NEMP2: variants seen among roughly 807,000 people sequenced by gnomAD.
The protein encoded by NEMP2 is UPF0571 transmembrane protein.
Under a neutral mutation model 54.2 loss-of-function variants are expected in NEMP2, and 53 were observed. The observed-to-expected ratio is 0.98, with a 90% CI of 0.78 to 1.23. The LOEUF (loss-of-function observed/expected upper bound fraction) is 1.23. Ranked by LOEUF, NEMP2 falls within the 50% of genes most tolerant of loss-of-function variation. The pLI is 0.00. For synonymous variants in NEMP2, 197 were observed against 190.3 expected, an observed-to-expected ratio of 1.04 and a Z score of -0.29; for missense variants, 455 against 511.3, an observed-to-expected ratio of 0.89 and a Z score of 1.06.
At chr2:190,606,201 T>TA in the NEMP2 span, among the ~76,000 whole-genome samples, 1 of 152,196 alleles carries the variant, frequency 6.6e-6, no homozygotes, top group Admixed American at 6.5e-5. Flanking sequence ...TCCTACTAGT[T>TA]ACAGCCCCTC....
chr2:190,545,048 C>A, the NEMP2 span, among the ~76,000 whole-genome samples: 8 of 152,010 alleles, frequency 5.3e-5, no homozygotes, highest in Middle Eastern at 3.4e-3. Flanking sequence ...CCACAGTGAG[C>A]TATGATTACG....
At chr2:190,545,956 T>G in the NEMP2 span, among the ~76,000 whole-genome samples, 1 of 152,186 alleles carries the variant, frequency 6.6e-6, no homozygotes, top group African/African-American at 2.4e-5. Context: ...AGGAGTGGAA[T>G]GTCAAAGAAA....
the NEMP2 span, among the ~76,000 whole-genome samples, chr2:190,573,809 G>C: frequency 2.6e-5 from 4 of 152,158 alleles, no homozygotes; most frequent in Non-Finnish European, 5.9e-5. Context: ...TATTAGGTTG[G>C]TGCAAAAGTA....
At position 190,530,681 on chromosome 2, in the gene NEMP2, T is replaced by C. The variant is rs1445167410; in HGVS notation, c.97+3878A>G. ...ACTGCTCGGTTTCAATCATGTCCAA[T>C]GGAAACAGGAAACAGAGCCAGTTTG... On this transcript the variant is annotated intron_variant, in intron 1 of 8. Coordinates refer to ENST00000409150, the MANE Select transcript of NEMP2 (RefSeq NM_001142645.2). The surrounding 1 kb of genome is among the most constrained non-coding windows in gnomAD (Gnocchi z 4.6). 1.3e-5 allele frequency among the ~76,000 whole-genome samples: 2 copies of C among 152,212 alleles called. No homozygotes were observed. Among genetic ancestry groups the C allele is most frequent in the East Asian group, 1.9e-4 (1 of 5,200 alleles).
At chr2:190,511,433 A>G (rs1277443905) in intron 7 of NEMP2, among the ~76,000 whole-genome samples, 1 of 152,154 alleles carries the variant, frequency 6.6e-6, no homozygotes, top group Non-Finnish European at 1.5e-5. Context: ...AACCAAGAAA[A>G]TCCTAAATCT....
the NEMP2 span, among the ~76,000 whole-genome samples, chr2:190,577,388 A>G: frequency 6.6e-6 from 1 of 152,184 alleles, no homozygotes; most frequent in Non-Finnish European, 1.5e-5. This position sits in a 1 kb window ranked among gnomAD's most constrained non-coding sequence, Gnocchi z 4.8. Context: ...GTGCAATGTC[A>G]TAGATTATGT....
At position 190,510,655 on chromosome 2, in the gene NEMP2, G is replaced by T; in HGVS notation, c.954-118C>A. 1 of 936,442 alleles carries T rather than the reference G, an allele frequency of 1.1e-6. No homozygotes were observed. The highest frequency in any genetic ancestry group is 1.6e-6 in the Non-Finnish European group (1 of 618,620). 58.0% of individuals were successfully genotyped at this position (936,442 alleles called of 1,614,324 possible). On this transcript the variant is annotated intron_variant, in intron 7 of 8. Coordinates refer to ENST00000409150, the MANE Select transcript of NEMP2 (RefSeq NM_001142645.2). The surrounding 1 kb of genome is among the most constrained non-coding windows in gnomAD (Gnocchi z 5.7). The stretch of plus-strand genomic sequence containing the variant: ...CCAGCATTTTGGGAGGCCTGGGGAG[G>T]CGGATCACGAGGTCAGGAGATTGAG...
At chr2:190,622,840 G>A in the NEMP2 span, among the ~76,000 whole-genome samples, 1 of 151,894 alleles carries the variant, frequency 6.6e-6, no homozygotes, top group African/African-American at 2.4e-5. Context: ...GTCCTAAGCA[G>A]AGCAATTAAG....
the NEMP2 span, chr2:190,454,653 C>G: frequency 3.3e-5 from 5 of 152,200 alleles, no homozygotes; most frequent in African/African-American, 1.2e-4. The surrounding 1 kb of genome is among the most constrained non-coding windows in gnomAD (Gnocchi z 4.6). Context: ...GTATCCTATT[C>G]TCAGATTTCC....
chr2:190,497,132 T>C, the NEMP2 span, among the ~76,000 whole-genome samples: 879 of 152,280 alleles, frequency 5.8e-3, 13 homozygotes, highest in African/African-American at 0.02. The surrounding 1 kb of genome is among the most constrained non-coding windows in gnomAD (Gnocchi z 5.2). Context: ...ATCCTGTAAA[T>C]GGGCCTAAGG....
At chr2:190,524,049 T>TAA (rs759446299) in intron 2 of NEMP2, among the ~76,000 whole-genome samples, 5 of 126,446 alleles carry the variant, frequency 4.0e-5, no homozygotes, top group African/African-American at 5.8e-5. Flanking sequence ...CTAAAAATAC[T>TAA]AAAAAAAAAA....
chr2:190,541,356 T>C, the NEMP2 span, among the ~76,000 whole-genome samples: 15 of 152,124 alleles, frequency 9.9e-5, no homozygotes, highest in Non-Finnish European at 1.9e-4. The surrounding 1 kb of genome is among the most constrained non-coding windows in gnomAD (Gnocchi z 5.2). Context: ...CTTTTTGATA[T>C]AGATGTTTAT....
At chr2:190,432,209 G>C in the NEMP2 span, among the ~76,000 whole-genome samples, 2 of 152,194 alleles carry the variant, frequency 1.3e-5, no homozygotes, top group Non-Finnish European at 2.9e-5. Flanking sequence ...AGGCTAACCA[G>C]ATTTTCTAGA....
the NEMP2 span, among the ~76,000 whole-genome samples, chr2:190,556,901 CAAAGTAATTT>C: frequency 1.3e-5 from 2 of 152,154 alleles, no homozygotes; most frequent in African/African-American, 4.8e-5. Context: ...CCATACTGCC[CAAAGTAATTT>C]ATAGATTCAA....
Position 190,512,038 on chromosome 2 carries a change from A to C in NEMP2, c.954-1501T>G, listed in dbSNP as rs1385075458. ...TTGATAAATCTATTATCTTTTAAAGATCTTATAGTTGATGAGCTAGATCAA... is the reference window on the plus strand; with the variant it reads ...TTGATAAATCTATTATCTTTTAAAGCTCTTATAGTTGATGAGCTAGATCAA... On this transcript the variant is annotated intron_variant, in intron 7 of 8. Transcript: ENST00000409150. This position sits in a 1 kb window ranked among gnomAD's most constrained non-coding sequence, Gnocchi z 4.5. Among the ~76,000 whole-genome samples the C allele has an allele frequency of 1.3e-5, 2 of 151,680 alleles. No homozygotes were observed. Among genetic ancestry groups the C allele is most frequent in the Non-Finnish European group, 2.9e-5 (2 of 67,940 alleles).
At chr2:190,437,542 G>T in the NEMP2 span, 1 of 1,613,554 alleles carries the variant, frequency 6.2e-7, no homozygotes, top group South Asian at 1.1e-5. This position sits in a 1 kb window ranked among gnomAD's most constrained non-coding sequence, Gnocchi z 5.9. Flanking sequence ...CAAGCTTATT[G>T]AATTGATCGG....
rs1690827816 is a variant in NEMP2, at chr2:190,523,614, A to C, written c.213+1649T>G. Among the ~76,000 whole-genome samples, 1 of 74,460 alleles carries C rather than the reference A, an allele frequency of 1.3e-5. No homozygotes were observed. The highest frequency in any genetic ancestry group is 1.4e-4 in the Admixed American group (1 of 7,370). The allele number at this position is 74,460 out of a possible 152,430, so 48.8% of individuals were successfully genotyped here. A position where few individuals can be genotyped will look rare whatever the true frequency, so the allele number is the denominator to read the frequency against. On this transcript the variant is annotated intron_variant, in intron 2 of 8. Transcript: ENST00000409150. The surrounding 1 kb of genome is among the most constrained non-coding windows in gnomAD (Gnocchi z 5.3). ...TAATGTTGACTGTTCCTTGGAAAAA[A>C]AATGTTATGATTCCAGAGCTAAGTC...
the NEMP2 span, among the ~76,000 whole-genome samples, chr2:190,567,714 T>C: frequency 6.6e-6 from 1 of 152,136 alleles, no homozygotes; most frequent in Non-Finnish European, 1.5e-5. This position sits in a 1 kb window ranked among gnomAD's most constrained non-coding sequence, Gnocchi z 4.0. Flanking sequence ...AGTGGCATGA[T>C]CTCGACTCAC....
chr2:190,519,095 A>T lies in NEMP2; in HGVS notation c.302T>A (p.Ile101Asn). ...CQYPENILSF[I>N]KCVIHNFWIP... ...CCAAAAGTTATGAATCACACATTTG[A>T]TAAAAGATAGAATGTTTTCTGGATA... Residue 101 changes from isoleucine (I) to asparagine (N), a missense_variant, in exon 3 of 9, where the codon ATC becomes AAC. Around this residue, in one of 3 missense-constraint regions of NEMP2, gnomAD observed 61 missense variants for 97.5 expected, o/e 0.63. Coordinates refer to ENST00000409150, the MANE Select transcript of NEMP2 (RefSeq NM_001142645.2). This position sits in a 1 kb window ranked among gnomAD's most constrained non-coding sequence, Gnocchi z 5.4. 6.4e-7 allele frequency: 1 copy of T among 1,551,238 alleles called. No individual in the cohort carries two copies. Among genetic ancestry groups the T allele is most frequent in the Non-Finnish European group, 8.7e-7 (1 of 1,146,836 alleles).
Sources: allele counts gnomAD v4.1 joint callset (sites outside exome capture counted in the v4.1 genomes callset), GRCh38; gene constraint gnomAD v4.1.1; regional missense constraint gnomAD v4.1.1; non-coding constraint Gnocchi (gnomAD v3.1); transcripts MANE v1.5; gene names NCBI Gene and HGNC (gene_info 2026-07-23, HGNC 2026-07-21).